Variants in CILK1 observed in about 807,000 individuals in gnomAD.
CILK1 encodes ciliogenesis associated kinase 1.
A neutral mutation model predicts 79.2 loss-of-function variants in CILK1; 47 were observed. That is an observed-to-expected ratio of 0.59 (90% CI 0.47 to 0.76). The LOEUF is 0.76. Ranked by LOEUF, CILK1 falls within the 30% of genes least tolerant of loss-of-function variation. The pLI, the probability that CILK1 is intolerant of heterozygous loss-of-function variation, is 0.00. For synonymous variants in CILK1, 266 were observed against 275.9 expected (o/e 0.96, Z 0.36); for missense variants, 660 against 769.5 (o/e 0.86, Z 1.68).
At chr6:53,044,972 A>T (rs1456316277) in intron 1 of CILK1, among the ~76,000 whole-genome samples, 1 of 152,242 alleles carries the variant, frequency 6.6e-6, no homozygotes, top group Non-Finnish European at 1.5e-5. Context: ...TAGCCCAGGC[A>T]GACTAAGATA....
chr6:53,025,591 C>A (rs561350118), intron 5 of CILK1, among the ~76,000 whole-genome samples: 45 of 152,286 alleles, frequency 3.0e-4, no homozygotes, highest in African/African-American at 1.0e-3. Flanking sequence ...CCCCACATAT[C>A]CCTTTAAGCA....
At position 53,002,511 on chromosome 6, in the gene CILK1, CTCAG is replaced by C. The variant is rs1763989115; in HGVS notation, c.*2634_*2637del. On this transcript the variant is annotated 3_prime_UTR_variant, in exon 14 of 14. Transcript: ENST00000676107. ...ATGTAACAAGAAATGGCTGCAGGTT[CTCAG>C]TCAGAACAGAAACAGAGAGACAAAA... The C allele has an allele frequency of 6.6e-6, 1 of 152,208 alleles. No homozygotes were observed. The highest frequency in any genetic ancestry group is 2.1e-4 in the South Asian group (1 of 4,830). 9.4% of individuals were successfully genotyped at this position (152,208 alleles called of 1,614,324 possible). A position where few individuals can be genotyped will look rare whatever the true frequency, so the allele number is the denominator to read the frequency against.
At chr6:53,060,632 G>C (rs1316544680) in intron 1 of CILK1, among the ~76,000 whole-genome samples, 1 of 152,160 alleles carries the variant, frequency 6.6e-6, no homozygotes, top group Admixed American at 6.5e-5. Flanking sequence ...CCAAATTGTA[G>C]CGCATTGTTC....
At chr6:53,023,576 T>C (rs557929397) in intron 5 of CILK1, among the ~76,000 whole-genome samples, 1 of 152,252 alleles carries the variant, frequency 6.6e-6, no homozygotes, top group East Asian at 1.9e-4. Context: ...GGGAGTTGTA[T>C]TAGTTGAATG....
intron 6 of CILK1, among the ~76,000 whole-genome samples, 197 bp downstream of exon 6, chr6:53,019,030 T>C (rs1262568665): frequency 1.3e-5 from 2 of 152,208 alleles, no homozygotes; most frequent in Non-Finnish European, 2.9e-5. Flanking sequence ...AAAAGCATAA[T>C]AGGTTTTCTT....
In CILK1 at chr6:53,019,308, T is replaced by A. The variant is rs1423094574; in HGVS notation, c.410A>T (p.Glu137Val). ...ACCAAAGTCTGCAATTTTCACAAGT[T>A]CTGGTCCCATGCAGAGGAGGTTCTC... The part of the protein sequence containing the change: ...KPENLLCMGP[E>V]LVKIADFGLA... The change falls in exon 6 of 14, where the codon GAA (glutamate) becomes GTA (valine). Residue 137 changes from glutamate to valine, a missense_variant. Coordinates refer to ENST00000676107, the MANE Select transcript of CILK1 (RefSeq NM_014920.5). 6.2e-7 allele frequency: 1 copy of A among 1,614,100 alleles called. No homozygotes were observed. Among genetic ancestry groups the A allele is most frequent in the Non-Finnish European group, 8.5e-7 (1 of 1,179,952 alleles).
rs1457545666 is a variant in CILK1 at position 53,002,614 on chromosome 6, G to C, written c.*2535C>G. 1.3e-5 allele frequency: 2 copies of C among 152,130 alleles called. No individual in the cohort carries two copies. The highest frequency in any genetic ancestry group is 4.8e-5 in the African/African-American group (2 of 41,418). The allele number at this position is 152,130 out of a possible 1,614,324, so 9.4% of individuals were successfully genotyped here. On this transcript the variant is annotated 3_prime_UTR_variant, in exon 14 of 14. Transcript: ENST00000676107. ...TTGTCCTTTACCCATTTCAGAGAAGGGGAGGAAGAGTAATTCACAGCATTT... is the reference window on the plus strand; with the variant it reads ...TTGTCCTTTACCCATTTCAGAGAAGCGGAGGAAGAGTAATTCACAGCATTT...
Position 53,013,760 on chromosome 6 carries a change from T to C in CILK1, c.1054A>G (p.Lys352Glu). 6.2e-7 allele frequency: 1 copy of C among 1,614,112 alleles called. No individual in the cohort carries two copies. The highest frequency in any genetic ancestry group is 8.5e-7 in the Non-Finnish European group (1 of 1,180,006). Residue 352 changes from lysine to glutamate, a missense_variant, in exon 9 of 14, where the codon AAA (lysine) becomes GAA (glutamate). Transcript: ENST00000676107. ...TGATCTGTCCTGGAGACCTCTGCTTTGTAGGGGTACGTGAGATGCAGAGGG... is the reference window on the plus strand; with the variant it reads ...TGATCTGTCCTGGAGACCTCTGCTTCGTAGGGGTACGTGAGATGCAGAGGG... ...QPPLHLTYPY[K>E]AEVSRTDHPS...
At chr6:53,043,022 A>G (rs1056225725) in intron 1 of CILK1, among the ~76,000 whole-genome samples, 5 of 152,198 alleles carry the variant, frequency 3.3e-5, no homozygotes, top group African/African-American at 1.2e-4. Context: ...CAAGATTAAA[A>G]ATTTAAAAAT....
In CILK1 at chr6:53,002,621, A is replaced by T. The variant is rs1763994051; in HGVS notation, c.*2528T>A. On this transcript the variant is annotated 3_prime_UTR_variant, in exon 14 of 14. Transcript: ENST00000676107. ...TTACCCATTTCAGAGAAGGGGAGGAAGAGTAATTCACAGCATTTGCTAGTT... is the reference window on the plus strand; with the variant it reads ...TTACCCATTTCAGAGAAGGGGAGGATGAGTAATTCACAGCATTTGCTAGTT... 1 of 152,216 alleles carries T rather than the reference A, an allele frequency of 6.6e-6. No homozygotes were observed. Among genetic ancestry groups the T allele is most frequent in the South Asian group, 2.1e-4 (1 of 4,826 alleles). The allele number at this position is 152,216 out of a possible 1,614,324, so 9.4% of individuals were successfully genotyped here. A position where few individuals can be genotyped will look rare whatever the true frequency, so the allele number is the denominator to read the frequency against.
Position 53,003,514 on chromosome 6 carries a change from T to G in CILK1, c.*1635A>C, listed in dbSNP as rs1581927424. ...CAGTACTTTGGGAGGTGGAGGAGGG[T>G]GGATCACGAGGTCAGGAGATCGAGG... On this transcript the variant is annotated 3_prime_UTR_variant, in exon 14 of 14. Coordinates refer to ENST00000676107, the MANE Select transcript of CILK1 (RefSeq NM_014920.5). 6.6e-6 allele frequency: 1 copy of G among 151,752 alleles called. No homozygotes were observed. The highest frequency in any genetic ancestry group is 2.4e-5 in the African/African-American group (1 of 41,254). The allele number at this position is 151,752 out of a possible 1,614,324, so 9.4% of individuals were successfully genotyped here.
chr6:53,019,471 G>C, intron 5 of CILK1, 112 bp from the exon 6 acceptor site: 3 of 1,173,946 alleles, frequency 2.6e-6, no homozygotes, highest in Non-Finnish European at 3.7e-6. Flanking sequence ...AGTCTGGCAT[G>C]GCACCAAAGG....
chr6:53,033,664 C>G (rs1213792312), intron 3 of CILK1, among the ~76,000 whole-genome samples: 1 of 152,128 alleles, frequency 6.6e-6, no homozygotes, highest in Non-Finnish European at 1.5e-5. Flanking sequence ...ATTAAGTTAT[C>G]TTTGAATTTC....
intron 5 of CILK1, among the ~76,000 whole-genome samples, chr6:53,027,463 T>A (rs1030892882): frequency 2.0e-5 from 3 of 152,194 alleles, no homozygotes; most frequent in Non-Finnish European, 2.9e-5. Context: ...AGTATGGCCG[T>A]ACTAACTACC....
intron 5 of CILK1, among the ~76,000 whole-genome samples, chr6:53,030,351 T>A (rs1157185305): frequency 1.3e-5 from 2 of 152,214 alleles, no homozygotes; most frequent in African/African-American, 4.8e-5. Context: ...CTCTAAAGGG[T>A]CCATGAAAAA....
chr6:53,004,155 G>C lies in CILK1; in HGVS notation c.*994C>G, dbSNP rs147397393. ...CCAAATTGTCCTGAGAATTTGGCTAGGACAGAACATTAGTCATTGACTGCT... is the reference window on the plus strand; with the variant it reads ...CCAAATTGTCCTGAGAATTTGGCTACGACAGAACATTAGTCATTGACTGCT... On this transcript the variant is annotated 3_prime_UTR_variant, in exon 14 of 14. Coordinates refer to ENST00000676107, the MANE Select transcript of CILK1 (RefSeq NM_014920.5). 3.9e-3 allele frequency: 593 copies of C among 152,744 alleles called. 4 individuals carry two copies. Among genetic ancestry groups the C allele is most frequent in the Non-Finnish European group, 6.7e-3 (454 of 68,022 alleles). 9.5% of individuals were successfully genotyped at this position (152,744 alleles called of 1,614,324 possible).
At chr6:53,056,550 C>T (rs1464224549) in intron 1 of CILK1, among the ~76,000 whole-genome samples, 1 of 152,204 alleles carries the variant, frequency 6.6e-6, no homozygotes, top group Non-Finnish European at 1.5e-5. Context: ...GGAAATCCCC[C>T]AAATAAGCAG....
At position 53,031,083 on chromosome 6, in the gene CILK1, C is replaced by T. The variant is rs766465153; in HGVS notation, c.340G>A (p.Ala114Thr). ...CACCTACCGTGTTTGTGAATAAATG[C>T]GAGTCCTTGTAATATCTGATACATG... ...NIMYQILQGL[A>T]FIHKHGFFHR... The change falls in exon 5 of 14, where the codon GCA becomes ACA. Residue 114 changes from alanine to threonine, a missense_variant. By Grantham distance (58) the Ala-to-Thr change is moderately conservative. Coordinates refer to ENST00000676107, the MANE Select transcript of CILK1 (RefSeq NM_014920.5). The T allele has an allele frequency of 4.2e-5, 68 of 1,606,064 alleles. No individual in the cohort carries two copies. The Admixed American group carries it at 7.7e-4, about 18-fold the overall frequency.
intron 5 of CILK1, among the ~76,000 whole-genome samples, chr6:53,030,435 G>A (rs1581721576): frequency 1.3e-5 from 2 of 152,298 alleles, no homozygotes; most frequent in East Asian, 1.9e-4. Context: ...ACCTATGTGT[G>A]TTGTAACTGG....
Sources: allele counts gnomAD v4.1 joint callset (sites outside exome capture counted in the v4.1 genomes callset), GRCh38; gene constraint gnomAD v4.1.1; transcripts MANE v1.5; gene names NCBI Gene and HGNC (gene_info 2026-07-23, HGNC 2026-07-21).